EFTUD2: variants seen among roughly 807,000 people sequenced by gnomAD.
The protein encoded by EFTUD2 is elongation factor Tu GTP binding domain containing 2, also known as 116 kDa U5 small nuclear ribonucleoprotein component.
In EFTUD2, 9 loss-of-function variants were observed where a neutral mutation model predicts 114.3. The ratio of observed to expected loss-of-function variants is 0.08; its 90% CI spans 0.05 to 0.14. The LOEUF is 0.14. Ranked by LOEUF, EFTUD2 falls within the 10% of genes least tolerant of loss-of-function variation. The pLI is 1.00. For missense variants in EFTUD2, 765 were observed against 1,241.2 expected, an observed-to-expected ratio of 0.62 and a Z score of 5.76; for synonymous variants, 449 against 462.3, an observed-to-expected ratio of 0.97 and a Z score of 0.37.
Position 44,879,563 on chromosome 17 carries a change from G to A in EFTUD2, c.695C>T (p.Ala232Val). Residue 232 changes from alanine to valine, a missense_variant, in exon 9 of 28, where the codon GCT becomes GTT. By Grantham distance (64) the Ala-to-Val change is moderately conservative. This residue lies in a region of EFTUD2 where 251 missense variants were observed against 357.7 expected (regional missense o/e 0.70). Transcript: ENST00000426333. ...SDGVVLFIDA[A>V]EGVMLNTERL... ...GAGCTGAGTCTGACTCACCCCCTCAGCAGCATCAATGAAAAGGACCACTCC... is the reference window on the plus strand; with the variant it reads ...GAGCTGAGTCTGACTCACCCCCTCAACAGCATCAATGAAAAGGACCACTCC... 6.2e-7 allele frequency: 1 copy of A among 1,613,884 alleles called. No individual in the cohort carries two copies. Among genetic ancestry groups the A allele is most frequent in the Non-Finnish European group, 8.5e-7 (1 of 1,179,930 alleles).
In EFTUD2 at chr17:44,854,522, G is replaced by C. The variant is rs1418876697; in HGVS notation, c.2259+34C>G. 6.2e-7 allele frequency: 1 copy of C among 1,601,118 alleles called. No individual in the cohort carries two copies. Among genetic ancestry groups the C allele is most frequent in the Non-Finnish European group, 8.5e-7 (1 of 1,172,598 alleles). ...AGTTTCTTCCACTCCAGAGGTAAGAGACCGCCACCCAGTTCCCATCAGTTC... is the reference window on the plus strand; with the variant it reads ...AGTTTCTTCCACTCCAGAGGTAAGACACCGCCACCCAGTTCCCATCAGTTC... On this transcript the variant is annotated intron_variant, in intron 22 of 27. Transcript: ENST00000426333. The surrounding 1 kb of genome is among the most constrained non-coding windows in gnomAD (Gnocchi z 4.3).
chr17:44,886,867 G>A (rs2051184575), intron 2 of EFTUD2, 117 bp from the exon 3 acceptor site: 5 of 1,474,766 alleles, frequency 3.4e-6, no homozygotes, highest in Non-Finnish European at 3.6e-6. Context: ...CTTATTCTGA[G>A]TTCTATGCCA....
Position 44,879,625 on chromosome 17 carries a change from G to A in EFTUD2, c.633C>T (p.Phe211=). The change falls in exon 9 of 28, where the codon TTC becomes TTT. Residue 211 remains phenylalanine (F), a synonymous_variant. Coordinates refer to ENST00000426333, the MANE Select transcript of EFTUD2 (RefSeq NM_004247.4). ...NIMDTPGHVN[F]SDEVTAGLRI... Reference sequence around the variant, plus strand: ...GCAAGCCAGCTGTGACCTCATCAGAGAAATTCACATGTCCTGAAAAGCAAA... The same window carrying A: ...GCAAGCCAGCTGTGACCTCATCAGAAAAATTCACATGTCCTGAAAAGCAAA... The A allele has an allele frequency of 6.2e-7, 1 of 1,613,898 alleles. No homozygotes were observed. Among genetic ancestry groups the A allele is most frequent in the Non-Finnish European group, 8.5e-7 (1 of 1,179,958 alleles).
chr17:44,886,829 A>G (rs1456325386), intron 2 of EFTUD2, 79 bp from the exon 3 acceptor site: 3 of 1,528,326 alleles, frequency 2.0e-6, no homozygotes, highest in Non-Finnish European at 2.6e-6. Context: ...CGTGAGTGAC[A>G]GCACTGACTG....
chr17:44,871,017 C>CA (rs200519792), intron 11 of EFTUD2, among the ~76,000 whole-genome samples: 14,782 of 145,660 alleles, frequency 0.1, 783 homozygotes, highest in Middle Eastern at 0.26. Flanking sequence ...GATTATGTCT[C>CA]AAAAAAAAAA....
Position 44,854,868 on chromosome 17 carries a change from T to C in EFTUD2, c.2132+50A>G, listed in dbSNP as rs1319168093. 1 of 1,588,682 alleles carries C rather than the reference T, an allele frequency of 6.3e-7. No homozygotes were observed. Among genetic ancestry groups the C allele is most frequent in the Non-Finnish European group, 8.6e-7 (1 of 1,157,320 alleles). ...GCTCTTAGAGACCCGGCAGTTAAACTGTGGCATCCCTGCCTCCTTTCGACC... is the reference window on the plus strand; with the variant it reads ...GCTCTTAGAGACCCGGCAGTTAAACCGTGGCATCCCTGCCTCCTTTCGACC... On this transcript the variant is annotated intron_variant, in intron 21 of 27. Transcript: ENST00000426333. This position sits in a 1 kb window ranked among gnomAD's most constrained non-coding sequence, Gnocchi z 4.3.
At position 44,850,505 on chromosome 17, in the gene EFTUD2, A is replaced by T. The variant is rs2050428480; in HGVS notation, c.*769T>A. 2.5e-6 allele frequency: 2 copies of T among 795,530 alleles called. No homozygotes were observed. Among genetic ancestry groups the T allele is most frequent in the Admixed American group, 4.3e-5 (2 of 46,630 alleles). 49.3% of individuals were successfully genotyped at this position (795,530 alleles called of 1,614,324 possible). ...ACAGACTCTTTTTCACTGGGGGAGA[A>T]CAGAGTAAGGGACTGGTGGTAGCTG... On this transcript the variant is annotated 3_prime_UTR_variant, in exon 28 of 28. Transcript: ENST00000426333.
At chr17:44,860,165 C>G (rs2050630509) in intron 17 of EFTUD2, 120 bp from the exon 18 acceptor site, 9 of 1,439,636 alleles carry the variant, frequency 6.3e-6, no homozygotes, top group Admixed American at 1.9e-5. Context: ...CAACCAGGAG[C>G]CTGGTGCTGA....
At chr17:44,894,666 A>C in intron 1 of EFTUD2, 141 bp from the exon 2 acceptor site, 2 of 649,232 alleles carry the variant, frequency 3.1e-6, no homozygotes, top group Non-Finnish European at 5.5e-6. Flanking sequence ...AACCTACTGA[A>C]TGCTCCTCCC....
intron 20 of EFTUD2, among the ~76,000 whole-genome samples, chr17:44,856,817 T>C (rs914643062): frequency 6.0e-5 from 9 of 151,068 alleles, no homozygotes; most frequent in Non-Finnish European, 8.9e-5. Context: ...ACTTTTAAGA[T>C]AGTCATTTTA....
chr17:44,894,447 TTCA>T lies in EFTUD2; in HGVS notation c.72_74del (p.Asp24del). On this transcript the variant is annotated inframe_deletion, in exon 2 of 28. Coordinates refer to ENST00000426333, the MANE Select transcript of EFTUD2 (RefSeq NM_004247.4). Reference sequence around the variant, plus strand: ...CAAGATCTTTGGTCTCTCTACCCAATTCATCATCATCTTCATCAGAATCAAGCT... The same window carrying T: ...CAAGATCTTTGGTCTCTCTACCCAATTCATCATCTTCATCAGAATCAAGCT... 1.2e-6 allele frequency: 2 copies of T among 1,613,988 alleles called. No homozygotes were observed. Among genetic ancestry groups the T allele is most frequent in the South Asian group, 1.1e-5 (1 of 91,082 alleles).
At chr17:44,863,806 A>G (rs978507428) in intron 14 of EFTUD2, 24 bp from the exon 15 acceptor site, 43 of 1,612,500 alleles carry the variant, frequency 2.7e-5, no homozygotes, top group Middle Eastern at 1.6e-4. Context: ...AGAGAAAGCC[A>G]TTAATACATG....
rs1367079084 is a variant in EFTUD2, at chr17:44,897,197, CAGAG to C, written c.-5+2168_-5+2171del. ...CGCCACTGCACTCCAGCCTGGGTGA[CAGAG>C]AGAGACTCCGTCTCAAAAAAAAAAA... is the stretch of plus-strand genomic sequence containing the variant. On this transcript the variant is annotated intron_variant, in intron 1 of 27. Transcript: ENST00000426333. 2.5e-5 allele frequency among the ~76,000 whole-genome samples: 3 copies of C among 118,348 alleles called. No individual in the cohort carries two copies. The East Asian group carries it at 7.5e-4, about 30-fold the overall frequency. The allele number at this position is 118,348 out of a possible 152,430, so 77.6% of individuals were successfully genotyped here.
intron 11 of EFTUD2, among the ~76,000 whole-genome samples, chr17:44,868,971 C>T (rs887420849): frequency 3.3e-5 from 5 of 152,316 alleles, no homozygotes; most frequent in African/African-American, 9.6e-5. Context: ...AAAGTCAAGA[C>T]GTTGGGTGAC....
At chr17:44,887,330 C>A (rs1354547631) in intron 2 of EFTUD2, among the ~76,000 whole-genome samples, 1 of 152,094 alleles carries the variant, frequency 6.6e-6, no homozygotes, top group Non-Finnish European at 1.5e-5. Context: ...ATACCCAAGA[C>A]AAATGAAAAC....
Position 44,892,684 on chromosome 17 carries a change from C to G in EFTUD2, c.105+1733G>C, listed in dbSNP as rs148919120. Among the ~76,000 whole-genome samples, 258 of 130,898 alleles carry G rather than the reference C, an allele frequency of 2.0e-3. 1 individual carries two copies. The highest frequency in any genetic ancestry group is 7.3e-3 in the African/African-American group (246 of 33,556). 85.9% of individuals were successfully genotyped at this position (130,898 alleles called of 152,430 possible). ...ATGGAGTCTCGCTGTGTCACCCAGG[C>G]TGGAGAGCAGTGGCTCGATCTCAGC... On this transcript the variant is annotated intron_variant, in intron 2 of 27. Transcript: ENST00000426333.
chr17:44,887,495 A>T (rs928051766), intron 2 of EFTUD2, among the ~76,000 whole-genome samples: 1 of 152,240 alleles, frequency 6.6e-6, no homozygotes, highest in Admixed American at 6.5e-5. Flanking sequence ...AAAACAAACA[A>T]AATACCTATA....
intron 6 of EFTUD2, 85 bp downstream of exon 6, chr17:44,883,008 C>T: frequency 7.4e-7 from 1 of 1,350,760 alleles, no homozygotes; most frequent in East Asian, 2.4e-5. Flanking sequence ...TTATAGAGAA[C>T]AGGAAGGGTG....
chr17:44,865,270 GT>G, intron 13 of EFTUD2: 1 of 577,120 alleles, frequency 1.7e-6, no homozygotes. Context: ...AGCCAACTTG[GT>G]TACATCCCCA....
Sources: allele counts gnomAD v4.1 joint callset (sites outside exome capture counted in the v4.1 genomes callset), GRCh38; gene constraint gnomAD v4.1.1; regional missense constraint gnomAD v4.1.1; non-coding constraint Gnocchi (gnomAD v3.1); transcripts MANE v1.5; gene names NCBI Gene and HGNC (gene_info 2026-07-23, HGNC 2026-07-21).